Variants in TTC28 observed in about 807,000 individuals in gnomAD.
The protein encoded by TTC28 is tetratricopeptide repeat protein 28.
A neutral mutation model predicts 198.0 loss-of-function variants in TTC28; 61 were observed. The ratio of observed to expected loss-of-function variants is 0.31; its 90% CI spans 0.25 to 0.38. TTC28 has a LOEUF of 0.38. Ranked by LOEUF, TTC28 falls within the 10% of genes least tolerant of loss-of-function variation. TTC28 has a pLI of 1.00. For synonymous variants in TTC28, 1,171 were observed against 1,297.8 expected, an observed-to-expected ratio of 0.90 and a Z score of 2.10; for missense variants, 2,678 against 3,164.0, an observed-to-expected ratio of 0.85 and a Z score of 3.69.
At chr22:28,326,844 CAAT>C (rs1428068905) in intron 2 of TTC28, among the ~76,000 whole-genome samples, 1 of 152,046 alleles carries the variant, frequency 6.6e-6, no homozygotes, top group Non-Finnish European at 1.5e-5. Context: ...TAAAATCAAG[CAAT>C]AAGTATATAA....
intron 2 of TTC28, among the ~76,000 whole-genome samples, chr22:28,451,161 T>C (rs1284821809): frequency 1.3e-5 from 2 of 152,154 alleles, no homozygotes; most frequent in African/African-American, 4.8e-5. Flanking sequence ...GTGGGAGCCA[T>C]AAGCTGAACA....
chr22:28,383,720 T>C (rs2146032327), intron 2 of TTC28, among the ~76,000 whole-genome samples: 1 of 152,332 alleles, frequency 6.6e-6, no homozygotes, highest in African/African-American at 2.4e-5. Context: ...ACTCTATTGC[T>C]ACCACCTTTG....
intron 12 of TTC28, among the ~76,000 whole-genome samples, chr22:28,085,331 G>C (rs946331343): frequency 6.6e-6 from 1 of 152,130 alleles, no homozygotes; most frequent in Non-Finnish European, 1.5e-5. Context: ...AACTCTACAA[G>C]TCAGAAGAGA....
chr22:28,373,824 G>C (rs1225799647), intron 2 of TTC28, among the ~76,000 whole-genome samples: 2 of 130,688 alleles, frequency 1.5e-5, no homozygotes, highest in Non-Finnish European at 3.3e-5. Context: ...ATAAAAAGCA[G>C]TTAAGGTATT....
chr22:28,198,267 C>A (rs1312807389), intron 5 of TTC28, among the ~76,000 whole-genome samples: 2 of 152,054 alleles, frequency 1.3e-5, no homozygotes, highest in Admixed American at 6.6e-5. Flanking sequence ...TCGATAGATG[C>A]CAGCAACACA....
intron 5 of TTC28, among the ~76,000 whole-genome samples, chr22:28,248,464 A>C (rs970699551): frequency 5.9e-5 from 9 of 152,218 alleles, no homozygotes; most frequent in African/African-American, 2.2e-4. Context: ...CTTAACACTG[A>C]CAACTAAAAA....
At chr22:28,305,055 C>T (rs1293383561) in intron 3 of TTC28, among the ~76,000 whole-genome samples, 1 of 151,994 alleles carries the variant, frequency 6.6e-6, no homozygotes, top group Non-Finnish European at 1.5e-5. Flanking sequence ...GTGGTGCGAT[C>T]TCGGCTCACT....
intron 16 of TTC28, 29 bp from the exon 17 acceptor site, chr22:27,996,288 C>G: frequency 6.5e-7 from 1 of 1,545,742 alleles, no homozygotes; most frequent in South Asian, 1.2e-5. Flanking sequence ...GGCACCTCAG[C>G]AGGGCAGCTG....
intron 5 of TTC28, among the ~76,000 whole-genome samples, chr22:28,191,780 A>G (rs1053150239): frequency 6.6e-6 from 1 of 152,188 alleles, no homozygotes; most frequent in African/African-American, 2.4e-5. Context: ...GAAGGAAAAC[A>G]AAGCAGCCAG....
intron 21 of TTC28, chr22:27,986,361 G>A (rs545272803): frequency 2.0e-5 from 3 of 152,258 alleles, no homozygotes; most frequent in Non-Finnish European, 4.4e-5. Flanking sequence ...GCAGAACTGT[G>A]AGTCAATTAA....
intron 2 of TTC28, among the ~76,000 whole-genome samples, chr22:28,375,172 T>TG (rs781031683): frequency 6.6e-5 from 10 of 152,226 alleles, no homozygotes; most frequent in Admixed American, 4.6e-4. Flanking sequence ...CCTAGAAAGT[T>TG]GGAGTTAGGG....
chr22:28,500,506 G>C (rs2048522333), intron 2 of TTC28, among the ~76,000 whole-genome samples: 1 of 152,010 alleles, frequency 6.6e-6, no homozygotes, highest in African/African-American at 2.4e-5. Flanking sequence ...TCTTATACAA[G>C]GATCCATAAT....
chr22:28,144,469 T>G (rs1426121251), intron 6 of TTC28, among the ~76,000 whole-genome samples: 1 of 152,250 alleles, frequency 6.6e-6, no homozygotes, highest in East Asian at 1.9e-4. Flanking sequence ...ACAAAACAAC[T>G]GGCAGTTTTC....
At chr22:28,417,367 C>T (rs1229559250) in intron 2 of TTC28, among the ~76,000 whole-genome samples, 2 of 148,990 alleles carry the variant, frequency 1.3e-5, no homozygotes, top group South Asian at 4.3e-4. Flanking sequence ...CTCAGCTACT[C>T]GGGAGGCTGA....
intron 12 of TTC28, among the ~76,000 whole-genome samples, chr22:28,057,296 T>C (rs1261708680): frequency 1.3e-5 from 2 of 152,198 alleles, no homozygotes; most frequent in Non-Finnish European, 2.9e-5. Context: ...CTAACATTTG[T>C]ATTTTCAGTT....
At chr22:28,441,887 T>TAAA (rs979638590) in intron 2 of TTC28, among the ~76,000 whole-genome samples, 40 of 119,148 alleles carry the variant, frequency 3.4e-4, no homozygotes, top group African/African-American at 7.7e-4. Context: ...ATTTGAAGTT[T>TAAA]AAAAAAAAAA....
At chr22:28,039,774 C>T (rs1939536238) in intron 12 of TTC28, among the ~76,000 whole-genome samples, 1 of 151,936 alleles carries the variant, frequency 6.6e-6, no homozygotes, top group Non-Finnish European at 1.5e-5. Flanking sequence ...ACAAAAAACC[C>T]TTCAAAAAAA....
At chr22:28,674,045 C>T (rs1293156594) in intron 1 of TTC28, among the ~76,000 whole-genome samples, 1 of 152,032 alleles carries the variant, frequency 6.6e-6, no homozygotes, top group African/African-American at 2.4e-5. Flanking sequence ...AAATAAAGAG[C>T]TTTCAATTAT....
chr22:28,278,192 C>G (rs531826329), intron 5 of TTC28, among the ~76,000 whole-genome samples: 59 of 152,204 alleles, frequency 3.9e-4, no homozygotes, highest in Non-Finnish European at 1.2e-4. Flanking sequence ...TGGGAAACTA[C>G]TGAATTATAT....
Sources: gnomAD v4.1 joint callset for allele counts (sites outside exome capture counted in the v4.1 genomes callset) on GRCh38, gnomAD v4.1.1 for gene constraint, MANE v1.5 for transcripts, NCBI Gene and HGNC (gene_info 2026-07-23, HGNC 2026-07-21) for gene names.